CDCA5: variants seen among roughly 807,000 people sequenced by gnomAD.
The protein encoded by CDCA5 is sororin.
A neutral mutation model predicts 25.7 loss-of-function variants in CDCA5; 14 were observed. That is an observed-to-expected ratio of 0.54 (90% CI 0.36 to 0.85). CDCA5 has a LOEUF of 0.85. Ranked by LOEUF, CDCA5 falls within the 40% of genes least tolerant of loss-of-function variation. The pLI is 0.01. For missense variants in CDCA5, 307 were observed against 324.5 expected, an observed-to-expected ratio of 0.95 and a Z score of 0.41; for synonymous variants, 127 against 128.7, an observed-to-expected ratio of 0.99 and a Z score of 0.09.
chr11:65,066,637 T>C (rs1432174814), exon 6 of CDCA5: 2 of 1,288,950 alleles, frequency 1.6e-6, no homozygotes, highest in African/African-American at 3.0e-5. Flanking sequence ...TCCTCCTGGA[T>C]GGCCTGGGCT....
chr11:65,068,646 C>A, intron 1 of CDCA5: 1 of 1,164,604 alleles, frequency 8.6e-7, no homozygotes, highest in Non-Finnish European at 1.1e-6. Context: ...CTACCATCCC[C>A]GCTATGCCAT....
chr11:65,068,246 A>T, intron 2 of CDCA5: 2 of 537,676 alleles, frequency 3.7e-6, no homozygotes, highest in Non-Finnish European at 6.2e-6. Context: ...TGTATCCCCC[A>T]CCCTGTAGGG....
chr11:65,069,117 G>A (rs946494888), intron 1 of CDCA5, among the ~76,000 whole-genome samples: 1 of 151,272 alleles, frequency 6.6e-6, no homozygotes, highest in Non-Finnish European at 1.5e-5. Flanking sequence ...GCGTGTGCCT[G>A]TAGTCTCAGC....
rs1565264820 is a variant in CDCA5, at chr11:65,066,943, C to G, written c.369-64G>C. 3 of 1,176,956 alleles carry G rather than the reference C, an allele frequency of 2.5e-6. No homozygotes were observed. In the East Asian group the frequency reaches 1.7e-4, roughly 67 times the overall value. 72.9% of individuals were successfully genotyped at this position (1,176,956 alleles called of 1,614,324 possible). On this transcript the variant is annotated intron_variant, in intron 4 of 6. Coordinates refer to the CDCA5 transcript ENST00000525464. ...CTTTTGTTCCAGGCAGCACTCCCCA[C>G]CCCTCCCACCTCCTGCTTCAGCCAC... is the stretch of plus-strand genomic sequence containing the variant.
chr11:65,067,602 G>C, intron 4 of CDCA5: 3 of 1,158,824 alleles, frequency 2.6e-6, no homozygotes, highest in Non-Finnish European at 2.3e-6. Context: ...GCCTGGCCTT[G>C]GTCGGGGGAA....
At chr11:65,077,201 C>T (rs142234104), downstream of CDCA5, among the ~76,000 whole-genome samples, 1,784 of 152,130 alleles carry the variant, frequency 0.012, 38 homozygotes, top group African/African-American at 0.04. Flanking sequence ...GCAGGAGAAT[C>T]GCTTGAACCT....
chr11:65,063,540 C>T (rs991768824), downstream of CDCA5, among the ~76,000 whole-genome samples: 1 of 152,194 alleles, frequency 6.6e-6, no homozygotes, highest in Non-Finnish European at 1.5e-5. Context: ...GATGTGTGTC[C>T]AGGCACTCAG....
At chr11:65,067,892 G>C in intron 3 of CDCA5, 1 of 842,428 alleles carries the variant, frequency 1.2e-6, no homozygotes, top group Non-Finnish European at 1.7e-6. Flanking sequence ...GGCCAGGACT[G>C]AGTCCTAGCC....
chr11:65,067,322 G>A (rs1202787425), intron 4 of CDCA5, among the ~76,000 whole-genome samples: 1 of 152,178 alleles, frequency 6.6e-6, no homozygotes. Context: ...GTATGAATGG[G>A]AGAGCTGATC....
rs1947243058 is a variant in CDCA5, at chr11:65,066,621, TG to T, written c.493del (p.Gln165ArgfsTer7). 1 of 1,288,650 alleles carries T rather than the reference TG, an allele frequency of 7.8e-7. No homozygotes were observed. Among genetic ancestry groups the T allele is most frequent in the Non-Finnish European group, 1.0e-6 (1 of 988,734 alleles). 79.8% of individuals were successfully genotyped at this position (1,288,650 alleles called of 1,614,324 possible). A position where few individuals can be genotyped will look rare whatever the true frequency, so the allele number is the denominator to read the frequency against. On this transcript the variant is annotated frameshift_variant, in exon 6 of 7. Coordinates refer to the CDCA5 transcript ENST00000525464. LOFTEE classifies it high-confidence loss of function. ...GGCCTTCACTTCATCCTGGATGGCCTGGGCCTCCTCCTGGATGGCCTGGGCT... is the reference window on the plus strand; with the variant it reads ...GGCCTTCACTTCATCCTGGATGGCCTGGCCTCCTCCTGGATGGCCTGGGCT...
At chr11:65,076,014 G>A, downstream of CDCA5, among the ~76,000 whole-genome samples, 1 of 152,232 alleles carries the variant, frequency 6.6e-6, no homozygotes, top group Admixed American at 6.5e-5. Flanking sequence ...TAAAGAGAGT[G>A]ACGAGGGCAT....
chr11:65,079,939 G>A (rs1947531431), intron 4 of CDCA5, 152 bp from the exon 5 acceptor site: 1 of 523,002 alleles, frequency 1.9e-6, no homozygotes, highest in Non-Finnish European at 3.2e-6. Flanking sequence ...CGCCCAGGCT[G>A]GAGTGCAGTG....
At chr11:65,069,973 G>A (rs1020728003) in intron 1 of CDCA5, among the ~76,000 whole-genome samples, 12 of 152,228 alleles carry the variant, frequency 7.9e-5, no homozygotes, top group African/African-American at 2.7e-4. Flanking sequence ...TTTGTACAGC[G>A]AGCCCTGGCT....
chr11:65,079,365 C>G lies in CDCA5; in HGVS notation c.666G>C (p.Met222Ile). The change falls in exon 5 of 6, where the codon ATG becomes ATC. Residue 222 changes from methionine to isoleucine, a missense_variant. Met to Ile is a conservative substitution (Grantham distance 10, BLOSUM62 1). Transcript: ENST00000275517. ...GCCTCTCACTCACCAAGATCTCTGG[C>G]ATTTTCTTCTTCTTACGTTTCTGTT... The part of the protein sequence containing the change: ...PEKQKRKKKK[M>I]PEILKTELDE... 6.2e-7 allele frequency: 1 copy of G among 1,614,126 alleles called. No homozygotes were observed. The highest frequency in any genetic ancestry group is 1.1e-5 in the South Asian group (1 of 91,066).
rs574603418 is a variant in CDCA5 at position 65,078,147 on chromosome 11, G to T, written c.*960C>A. On this transcript the variant is annotated 3_prime_UTR_variant, in exon 6 of 6. Coordinates refer to ENST00000275517, the MANE Select transcript of CDCA5 (RefSeq NM_080668.4). ...TTCCGAGGACTTTACAAGCATAGTT[G>T]CAAAATGCTAGTAGGTCTGGGACTC... 2.5e-5 allele frequency: 25 copies of T among 985,454 alleles called. No individual in the cohort carries two copies. In the African/African-American group the frequency reaches 4.0e-4, roughly 16 times the overall value. 61.0% of individuals were successfully genotyped at this position (985,454 alleles called of 1,614,324 possible). A position where few individuals can be genotyped will look rare whatever the true frequency, so the allele number is the denominator to read the frequency against.
chr11:65,078,000 G>T lies in CDCA5; in HGVS notation c.*1107C>A, dbSNP rs1336597818. 7 of 985,378 alleles carry T rather than the reference G, an allele frequency of 7.1e-6. No individual in the cohort carries two copies. In the South Asian group the frequency reaches 2.3e-4, roughly 33 times the overall value. The allele number at this position is 985,378 out of a possible 1,614,324, so 61.0% of individuals were successfully genotyped here. On this transcript the variant is annotated 3_prime_UTR_variant, in exon 6 of 6. Transcript: ENST00000275517. The stretch of plus-strand genomic sequence containing the variant: ...ATCCACACGATGGAAAGAAGAGAAA[G>T]ATGGGGAAATTCTCCAGAGATCATG...
downstream of CDCA5, among the ~76,000 whole-genome samples, chr11:65,063,449 C>CA (rs953422184): frequency 6.6e-6 from 1 of 152,140 alleles, no homozygotes; most frequent in African/African-American, 2.4e-5. Context: ...TAACAGTCGC[C>CA]AACACATGGA....
At chr11:65,076,790 G>A (rs994236378), downstream of CDCA5, among the ~76,000 whole-genome samples, 1 of 152,222 alleles carries the variant, frequency 6.6e-6, no homozygotes, top group Admixed American at 6.5e-5. Context: ...ACAGTGTCCA[G>A]TCTGGACCAT....
At position 65,083,981 on chromosome 11, in the gene CDCA5, CT is replaced by C. The variant is rs35819335; in HGVS notation, c.-4del. 0.92 allele frequency: 1,484,622 copies of C among 1,610,830 alleles called. 686,056 individuals carry two copies. The highest frequency in any genetic ancestry group is 0.96 in the Middle Eastern group (5,794 of 6,062). On this transcript the variant is annotated 5_prime_UTR_variant, in exon 1 of 6. Coordinates refer to ENST00000275517, the MANE Select transcript of CDCA5 (RefSeq NM_080668.4). ...GACCGCGTTCGCCTCCCAGACATAA[CT>C]TAGGCTCCGTCTCGAGCTCCTCCAG...
Sources: allele counts gnomAD v4.1 joint callset (sites outside exome capture counted in the v4.1 genomes callset), GRCh38; gene constraint gnomAD v4.1.1; transcripts MANE v1.5; gene names NCBI Gene and HGNC (gene_info 2026-07-23, HGNC 2026-07-21).